PHLDB2: variants seen among roughly 807,000 people sequenced by gnomAD.
PHLDB2 encodes the protein pleckstrin homology like domain family B member 2, also known as pleckstrin homology-like domain family B member 2.
PHLDB2 carries 71 observed loss-of-function variants against 123.6 expected under a neutral mutation model. That is an observed-to-expected ratio of 0.57 (90% CI 0.47 to 0.70). The LOEUF (loss-of-function observed/expected upper bound fraction) is 0.70, where lower values mean the gene tolerates loss of function less well. Ranked by LOEUF, PHLDB2 falls within the 30% of genes least tolerant of loss-of-function variation. PHLDB2 has a pLI of 0.00. For synonymous variants in PHLDB2, 547 were observed against 541.6 expected (o/e 1.01, Z -0.14); for missense variants, 1,446 against 1,519.5 (o/e 0.95, Z 0.80).
At chr3:111,855,693 A>G (rs1195804147), upstream of PHLDB2, among the ~76,000 whole-genome samples, 4 of 137,992 alleles carry the variant, frequency 2.9e-5, no homozygotes, top group African/African-American at 1.1e-4. Flanking sequence ...CTGGAGTGCA[A>G]TGGTGCGATC....
At chr3:111,836,017 T>TGAGC (rs2063379287) in intron 1 of PHLDB2, among the ~76,000 whole-genome samples, 1 of 152,174 alleles carries the variant, frequency 6.6e-6, no homozygotes. Context: ...CATGGTGGCA[T>TGAGC]GAGCATGTAA....
chr3:111,866,013 C>CCTTTTTTTTTTTTTTT (rs1239058039), intron 1 of PHLDB2, among the ~76,000 whole-genome samples: 1 of 47,674 alleles, frequency 2.1e-5, no homozygotes, highest in African/African-American at 6.3e-5. Flanking sequence ...CCCACCCACT[C>CCTTTTTTTTTTTTTTT]ATTTTTTTTT....
chr3:111,846,676 A>G (rs1201940208), intron 2 of PHLDB2, among the ~76,000 whole-genome samples: 2 of 152,166 alleles, frequency 1.3e-5, no homozygotes, highest in African/African-American at 4.8e-5. Context: ...GTTAAAATAG[A>G]AAAACCTGTG....
intron 16 of PHLDB2, 89 bp downstream of exon 16, chr3:111,969,998 T>A: frequency 8.2e-7 from 1 of 1,223,256 alleles, no homozygotes; most frequent in Non-Finnish European, 1.2e-6. Flanking sequence ...TGTAAATAGG[T>A]AGGTTGATAC....
At chr3:111,859,865 G>A (rs549552099) in intron 1 of PHLDB2, 2 of 985,852 alleles carry the variant, frequency 2.0e-6, no homozygotes, top group South Asian at 4.7e-5. Flanking sequence ...GCGGTTTGGA[G>A]GAAAGATGAG....
chr3:111,776,215 C>A (rs2060265381), intron 1 of PHLDB2, among the ~76,000 whole-genome samples: 4 of 152,088 alleles, frequency 2.6e-5, no homozygotes, highest in Admixed American at 2.0e-4. Flanking sequence ...AGAAATAATC[C>A]CCTTTATCGT....
At chr3:111,857,738 T>G (rs770090997), upstream of PHLDB2, among the ~76,000 whole-genome samples, 1 of 151,922 alleles carries the variant, frequency 6.6e-6, no homozygotes, top group Non-Finnish European at 1.5e-5. Context: ...GAAATGCAAA[T>G]CAAAACCACA....
intron 1 of PHLDB2, among the ~76,000 whole-genome samples, chr3:111,871,527 G>C (rs1326565677): frequency 1.3e-5 from 2 of 152,120 alleles, no homozygotes; most frequent in African/African-American, 4.8e-5. Flanking sequence ...GGTGGCCCAT[G>C]CCTGTAGTCC....
intron 5 of PHLDB2, among the ~76,000 whole-genome samples, chr3:111,925,375 G>A (rs1382688156): frequency 6.6e-6 from 1 of 152,044 alleles, no homozygotes; most frequent in Non-Finnish European, 1.5e-5. Context: ...ACCCTTAGGG[G>A]TACCACTGTT....
chr3:111,953,030 C>T (rs1401027475), intron 11 of PHLDB2, among the ~76,000 whole-genome samples: 1 of 152,130 alleles, frequency 6.6e-6, no homozygotes, highest in Non-Finnish European at 1.5e-5. Context: ...CTCTGTGTTC[C>T]AGGAATAACA....
intron 2 of PHLDB2, among the ~76,000 whole-genome samples, chr3:111,887,471 G>C (rs1005987019): frequency 1.3e-5 from 2 of 152,102 alleles, no homozygotes; most frequent in African/African-American, 4.8e-5. Flanking sequence ...CCATTAAAAA[G>C]TAAAGTGACT....
At chr3:111,767,955 A>G (rs1219208586) in intron 1 of PHLDB2, among the ~76,000 whole-genome samples, 2 of 152,134 alleles carry the variant, frequency 1.3e-5, no homozygotes, top group African/African-American at 4.8e-5. Context: ...GCAGGTAGAA[A>G]TTGTTAAGAG....
intron 1 of PHLDB2, among the ~76,000 whole-genome samples, chr3:111,831,454 G>A (rs554117887): frequency 5.1e-4 from 72 of 141,574 alleles, no homozygotes; most frequent in African/African-American, 2.0e-3. Context: ...GTAGGGGGGA[G>A]TTTGCAAAAA....
intron 2 of PHLDB2, among the ~76,000 whole-genome samples, chr3:111,887,725 T>C (rs1483998787): frequency 6.6e-6 from 1 of 152,186 alleles, no homozygotes; most frequent in Non-Finnish European, 1.5e-5. Context: ...ATGTAATTAA[T>C]TCTTATTCCT....
At chr3:111,896,430 C>T (rs1005810500) in intron 2 of PHLDB2, among the ~76,000 whole-genome samples, 31 of 151,602 alleles carry the variant, frequency 2.0e-4, no homozygotes, top group Admixed American at 3.3e-4. Context: ...CTGCAACCTC[C>T]GCCTCCTAAG....
In PHLDB2 at chr3:111,913,364, A is replaced by G. The variant is rs1378360447; in HGVS notation, c.1381A>G (p.Thr461Ala). ...ETILSLCAEY[T>A]KPDSRLSTGT... Reference sequence around the variant, plus strand: ...CATCCTCAGTCTCTGTGCTGAATACACAAAGCCTGACAGTCGCTTATCTAC... The same window carrying G: ...CATCCTCAGTCTCTGTGCTGAATACGCAAAGCCTGACAGTCGCTTATCTAC... Residue 461 changes from threonine to alanine, a missense_variant, in exon 3 of 18, where the codon ACA becomes GCA. Coordinates refer to ENST00000431670, the MANE Select transcript of PHLDB2 (RefSeq NM_001134438.2). 7 of 1,612,990 alleles carry G rather than the reference A, an allele frequency of 4.3e-6. No individual in the cohort carries two copies. The highest frequency in any genetic ancestry group is 2.7e-5 in the African/African-American group (2 of 75,022).
intron 1 of PHLDB2, among the ~76,000 whole-genome samples, chr3:111,756,052 G>A (rs559342196): frequency 2.0e-5 from 3 of 152,228 alleles, no homozygotes; most frequent in Admixed American, 1.3e-4. Flanking sequence ...TACATTTGCT[G>A]AGGAGAGCTT....
At chr3:111,813,756 G>A (rs916280132) in intron 1 of PHLDB2, among the ~76,000 whole-genome samples, 2 of 152,204 alleles carry the variant, frequency 1.3e-5, no homozygotes, top group Non-Finnish European at 1.5e-5. Context: ...GCTGAGTGAA[G>A]AAGTAATGTA....
intron 1 of PHLDB2, among the ~76,000 whole-genome samples, chr3:111,756,185 C>T (rs2059885665): frequency 6.6e-6 from 1 of 151,864 alleles, no homozygotes; most frequent in Non-Finnish European, 1.5e-5. Context: ...TGGTGCAGAG[C>T]TGAGTTCAAT....
Sources: gnomAD v4.1 joint callset for allele counts (sites outside exome capture counted in the v4.1 genomes callset) on GRCh38, gnomAD v4.1.1 for gene constraint, MANE v1.5 for transcripts, NCBI Gene and HGNC (gene_info 2026-07-23, HGNC 2026-07-21) for gene names.